Variants in PRKG1 observed in about 807,000 individuals in gnomAD.
PRKG1 encodes the protein protein kinase cGMP-dependent 1.
A neutral mutation model predicts 88.1 loss-of-function variants in PRKG1; 35 were observed. The ratio of observed to expected loss-of-function variants is 0.40; its 90% confidence interval spans 0.30 to 0.53. PRKG1 has a LOEUF of 0.53. Ranked by LOEUF, PRKG1 falls within the 20% of genes least tolerant of loss-of-function variation. The pLI is 0.59. For synonymous variants in PRKG1, 303 were observed against 292.5 expected (o/e 1.04, Z -0.37); for missense variants, 540 against 839.8 (o/e 0.64, Z 4.41).
At chr10:51,398,079 G>T (rs1020436968) in intron 2 of PRKG1, among the ~76,000 whole-genome samples, 1 of 152,052 alleles carries the variant, frequency 6.6e-6, no homozygotes, top group Admixed American at 6.5e-5. Context: ...TTCATTTTGT[G>T]CATCTTTAAG....
intron 2 of PRKG1, among the ~76,000 whole-genome samples, chr10:51,396,213 G>T (rs537435878): frequency 1.3e-5 from 2 of 151,994 alleles, no homozygotes; most frequent in Admixed American, 6.6e-5. Flanking sequence ...TAGTGAGACC[G>T]TATCTCTATC....
chr10:51,013,125 A>G (rs1374715068), intron 1 of PRKG1, among the ~76,000 whole-genome samples: 1 of 152,118 alleles, frequency 6.6e-6, no homozygotes, highest in African/African-American at 2.4e-5. Flanking sequence ...AAGAACATGA[A>G]CCAAGGAACA....
At chr10:52,279,315 C>T (rs1413692815) in intron 12 of PRKG1, among the ~76,000 whole-genome samples, 2 of 152,120 alleles carry the variant, frequency 1.3e-5, no homozygotes, top group African/African-American at 4.8e-5. Context: ...TTCTCTTGTG[C>T]TCATAAATTC....
chr10:51,245,336 C>T lies in PRKG1; in HGVS notation c.478+92006C>T, dbSNP rs1310301600. ...AAATTAGCAGAATGTCAGCAGCCAG[C>T]AAAGTGCCAATGCATCTTTCAACTA... On this transcript the variant is annotated intron_variant, in intron 2 of 17. Coordinates refer to ENST00000373980, the MANE Select transcript of PRKG1 (RefSeq NM_006258.4). Among the ~76,000 whole-genome samples the T allele has an allele frequency of 2.0e-5, 3 of 152,056 alleles. No individual in the cohort carries two copies. In the East Asian group the frequency reaches 5.8e-4, roughly 29 times the overall value.
chr10:51,546,400 G>A (rs1271150106), intron 3 of PRKG1, among the ~76,000 whole-genome samples: 2 of 151,988 alleles, frequency 1.3e-5, no homozygotes, highest in Non-Finnish European at 2.9e-5. Flanking sequence ...ACACTAATTT[G>A]TATTAATTCT....
chr10:51,070,202 G>A (rs1171755452), upstream of PRKG1, among the ~76,000 whole-genome samples: 1 of 152,054 alleles, frequency 6.6e-6, no homozygotes, highest in Non-Finnish European at 1.5e-5. Flanking sequence ...TTGATTAGGT[G>A]AATGATTCTG....
intron 7 of PRKG1, among the ~76,000 whole-genome samples, chr10:52,122,217 C>T (rs372753387): frequency 2.1e-4 from 32 of 152,242 alleles, no homozygotes; most frequent in East Asian, 1.2e-3. Context: ...GGGAGCCAAA[C>T]GCACTTTTAT....
intron 5 of PRKG1, among the ~76,000 whole-genome samples, chr10:51,964,105 C>A (rs1175184822): frequency 6.6e-6 from 1 of 152,120 alleles, no homozygotes; most frequent in African/African-American, 2.4e-5. Flanking sequence ...CTATCAAAGA[C>A]CATCACTTTA....
At chr10:51,896,023 G>A (rs550383956) in intron 4 of PRKG1, among the ~76,000 whole-genome samples, 1 of 152,042 alleles carries the variant, frequency 6.6e-6, no homozygotes, top group Non-Finnish European at 1.5e-5. Flanking sequence ...CCACCTTTTG[G>A]ACATGACACG....
intron 9 of PRKG1, among the ~76,000 whole-genome samples, chr10:52,233,214 A>G (rs1179267621): frequency 6.6e-6 from 1 of 150,754 alleles, no homozygotes; most frequent in African/African-American, 2.5e-5. Context: ...GAGAGAGAGT[A>G]GTGAGAATAG....
intron 4 of PRKG1, among the ~76,000 whole-genome samples, chr10:51,849,028 T>C (rs1330479946): frequency 1.3e-5 from 2 of 152,166 alleles, no homozygotes; most frequent in African/African-American, 4.8e-5. Context: ...TTTTGTAGTA[T>C]TTATAGCACT....
At chr10:51,017,190 T>A (rs1843078513) in intron 1 of PRKG1, among the ~76,000 whole-genome samples, 1 of 152,144 alleles carries the variant, frequency 6.6e-6, no homozygotes. Flanking sequence ...TTCCTGGGAA[T>A]CCCTCTTATG....
rs58552140 is a variant in PRKG1 at position 51,532,920 on chromosome 10, G to A, written c.592+65084G>A. 2.5e-3 allele frequency among the ~76,000 whole-genome samples: 380 copies of A among 151,622 alleles called. 2 individuals carry two copies. Among genetic ancestry groups the A allele is most frequent in the African/African-American group, 8.6e-3 (357 of 41,286 alleles). ...TTCAAATTTGAGAGTCCATGATTGG[G>A]TATTGATGAGCAGGATAGCTTGGGG... On this transcript the variant is annotated intron_variant, in intron 3 of 17. Coordinates refer to ENST00000373980, the MANE Select transcript of PRKG1 (RefSeq NM_006258.4).
intron 3 of PRKG1, among the ~76,000 whole-genome samples, chr10:51,479,530 C>T (rs1007442857): frequency 6.6e-6 from 1 of 152,002 alleles, no homozygotes; most frequent in Non-Finnish European, 1.5e-5. Context: ...GAGCTTTTCA[C>T]TTATATGATA....
At chr10:51,348,059 T>C (rs935753564) in intron 2 of PRKG1, among the ~76,000 whole-genome samples, 3 of 151,696 alleles carry the variant, frequency 2.0e-5, no homozygotes, top group Non-Finnish European at 4.4e-5. Flanking sequence ...CGAGACTCCA[T>C]CTCAAAAAAA....
chr10:51,765,331 T>G (rs1351415440), intron 3 of PRKG1, among the ~76,000 whole-genome samples: 2 of 152,212 alleles, frequency 1.3e-5, no homozygotes, highest in African/African-American at 4.8e-5. Context: ...CAAAACTCCC[T>G]TGATTCAGGG....
intron 8 of PRKG1, among the ~76,000 whole-genome samples, chr10:52,160,346 A>G (rs11817519): frequency 0.059 from 8,989 of 152,062 alleles, 798 homozygotes; most frequent in African/African-American, 0.2. Context: ...AACTTTCTAA[A>G]GACTGTTGCC....
intron 7 of PRKG1, among the ~76,000 whole-genome samples, chr10:52,116,650 T>C (rs959330507): frequency 4.6e-5 from 7 of 152,082 alleles, no homozygotes; most frequent in African/African-American, 1.7e-4. Flanking sequence ...TGATGGTTTA[T>C]CAACAGTAAA....
chr10:51,156,314 A>ACACACACACACACAC lies in PRKG1; in HGVS notation c.478+2984_478+2985insCACACACACACACAC, dbSNP rs60689292. On this transcript the variant is annotated intron_variant, in intron 2 of 17. Coordinates refer to ENST00000373980, the MANE Select transcript of PRKG1 (RefSeq NM_006258.4). The stretch of plus-strand genomic sequence containing the variant: ...TGATGCAAGCACACACACACACACA[A>ACACACACACACACAC]ACACACACACCCGAATGTAACAAAA... Among the ~76,000 whole-genome samples the ACACACACACACACAC allele has an allele frequency of 9.3e-3, 1,366 of 147,076 alleles. 25 individuals are homozygous for ACACACACACACACAC. The highest frequency in any genetic ancestry group is 0.022 in the African/African-American group (851 of 39,492).
Sources: allele counts gnomAD v4.1 joint callset (sites outside exome capture counted in the v4.1 genomes callset), GRCh38; gene constraint gnomAD v4.1.1; transcripts MANE v1.5; gene names NCBI Gene and HGNC (gene_info 2026-07-23, HGNC 2026-07-21).